MINDY2: variants seen among roughly 807,000 people sequenced by gnomAD.
MINDY2 encodes ubiquitin carboxyl-terminal hydrolase MINDY-2.
In MINDY2, 52 loss-of-function variants were observed where a neutral mutation model predicts 68.2. That is an observed-to-expected ratio of 0.76 (90% CI 0.61 to 0.96). The LOEUF (loss-of-function observed/expected upper bound fraction) is 0.96, where lower values mean the gene tolerates loss of function less well. Among genes scored for constraint, MINDY2 ranks in the 40% least tolerant of loss-of-function variants. MINDY2 has a pLI of 0.00. For missense variants in MINDY2, 881 were observed against 773.4 expected (o/e 1.14, Z -1.65); for synonymous variants, 372 against 303.0 (o/e 1.23, Z -2.36).
At chr15:58,852,785 C>G (rs1051720181) in intron 8 of MINDY2, among the ~76,000 whole-genome samples, 2 of 152,112 alleles carry the variant, frequency 1.3e-5, no homozygotes, top group Admixed American at 6.6e-5. Flanking sequence ...TGACATCTCC[C>G]TACTTTTCAC....
At chr15:58,848,551 G>T (rs1241892598) in intron 7 of MINDY2, among the ~76,000 whole-genome samples, 5 of 152,004 alleles carry the variant, frequency 3.3e-5, no homozygotes, top group Non-Finnish European at 7.4e-5. Flanking sequence ...AGACCATCCT[G>T]GCTAACACGG....
At chr15:58,797,383 C>T (rs1035059775) in intron 2 of MINDY2, among the ~76,000 whole-genome samples, 3 of 152,026 alleles carry the variant, frequency 2.0e-5, no homozygotes, top group Admixed American at 6.6e-5. Context: ...TGATGCTTAC[C>T]AGTAGTCCCT....
At chr15:58,828,410 A>G (rs541385022) in intron 5 of MINDY2, among the ~76,000 whole-genome samples, 1 of 152,182 alleles carries the variant, frequency 6.6e-6, no homozygotes, top group African/African-American at 2.4e-5. Context: ...ATTTTAAAAT[A>G]AATCAAGTTT....
rs534487704 is a variant in MINDY2, at chr15:58,773,688, CT to C, written c.840+1464del. Among the ~76,000 whole-genome samples, 117 of 145,276 alleles carry C rather than the reference CT, an allele frequency of 8.1e-4. No homozygotes were observed. In the Middle Eastern group the frequency reaches 0.014, roughly 17 times the overall value. Reference sequence around the variant, plus strand: ...TGGGATTTATGGGTCTTGAACCAATCTTTTTTTTTTTCGTTTGTTTGTTTGT... The same window carrying C: ...TGGGATTTATGGGTCTTGAACCAATCTTTTTTTTTTCGTTTGTTTGTTTGT... On this transcript the variant is annotated intron_variant, in intron 1 of 8. Transcript: ENST00000559228.
At chr15:58,799,715 C>T (rs1196496174) in intron 2 of MINDY2, among the ~76,000 whole-genome samples, 1 of 152,092 alleles carries the variant, frequency 6.6e-6, no homozygotes, top group Non-Finnish European at 1.5e-5. Flanking sequence ...AAGTGAATTT[C>T]AATCTGGAAA....
intron 6 of MINDY2, among the ~76,000 whole-genome samples, chr15:58,840,528 C>A (rs1450094074): frequency 2.0e-5 from 3 of 151,892 alleles, no homozygotes; most frequent in Non-Finnish European, 4.4e-5. Context: ...TTTCTGCTAT[C>A]ATTTATATCA....
intron 2 of MINDY2, 133 bp from the exon 3 acceptor site, chr15:58,802,180 G>C (rs1267456894): frequency 4.7e-6 from 3 of 639,570 alleles, no homozygotes; most frequent in African/African-American, 1.9e-5. Flanking sequence ...CTCTGGGTAG[G>C]ATTGGGGAGT....
intron 6 of MINDY2, among the ~76,000 whole-genome samples, chr15:58,838,777 C>T (rs1431345997): frequency 6.6e-6 from 1 of 151,538 alleles, no homozygotes; most frequent in African/African-American, 2.4e-5. Context: ...AGATTGGTTG[C>T]ACCATGTTGT....
At chr15:58,791,489 C>T (rs954650331) in intron 2 of MINDY2, among the ~76,000 whole-genome samples, 2 of 151,256 alleles carry the variant, frequency 1.3e-5, no homozygotes, top group South Asian at 4.2e-4. Context: ...TGATGGTGTG[C>T]ACCTGTAGTC....
intron 2 of MINDY2, among the ~76,000 whole-genome samples, chr15:58,795,765 GT>G (rs60618257): frequency 6.7e-6 from 1 of 150,122 alleles, no homozygotes; most frequent in African/African-American, 2.5e-5. Flanking sequence ...TAGTGTCTAA[GT>G]TTTTTTTTTC....
intron 1 of MINDY2, among the ~76,000 whole-genome samples, chr15:58,786,691 C>T (rs1162302740): frequency 6.6e-6 from 1 of 152,166 alleles, no homozygotes; most frequent in Non-Finnish European, 1.5e-5. Flanking sequence ...ACTACTATTG[C>T]AGGTCAAGAA....
intron 3 of MINDY2, among the ~76,000 whole-genome samples, chr15:58,807,501 A>G (rs1364037819): frequency 2.0e-5 from 3 of 151,742 alleles, no homozygotes; most frequent in African/African-American, 7.3e-5. Flanking sequence ...GAGAGACTAC[A>G]GGCGCCCGCC....
chr15:58,804,309 G>A (rs1163756700), intron 3 of MINDY2, among the ~76,000 whole-genome samples: 1 of 152,020 alleles, frequency 6.6e-6, no homozygotes, highest in African/African-American at 2.4e-5. Context: ...TACATGATAA[G>A]TATAAAGTGA....
intron 1 of MINDY2, among the ~76,000 whole-genome samples, chr15:58,780,829 T>C (rs1009459033): frequency 6.6e-5 from 10 of 152,154 alleles, no homozygotes; most frequent in Non-Finnish European, 1.2e-4. Flanking sequence ...GTAACTTCTG[T>C]TTCTACTGCT....
chr15:58,821,202 A>G (rs972078556), intron 4 of MINDY2, among the ~76,000 whole-genome samples: 12 of 151,684 alleles, frequency 7.9e-5, no homozygotes, highest in African/African-American at 2.2e-4. Flanking sequence ...AACATTAGTT[A>G]TCTCTACTCA....
chr15:58,801,675 T>G (rs1356284531), intron 2 of MINDY2, among the ~76,000 whole-genome samples: 1 of 152,116 alleles, frequency 6.6e-6, no homozygotes, highest in Non-Finnish European at 1.5e-5. Context: ...AGTCTCACTT[T>G]GTTGCCCAGG....
chr15:58,852,906 C>T (rs1200280569), intron 8 of MINDY2, among the ~76,000 whole-genome samples: 1 of 115,104 alleles, frequency 8.7e-6, no homozygotes, highest in Non-Finnish European at 1.8e-5. Context: ...TTATACCATG[C>T]CAGACTGCTG....
rs1471340132 is a variant in MINDY2 at position 58,858,512 on chromosome 15, A to G, written c.*3902A>G. ...TGAGAGGAAAGAGAACTAGAGGCCA[A>G]TAAATAAAATAATTGTTCATATATT... On this transcript the variant is annotated 3_prime_UTR_variant, in exon 9 of 9. Coordinates refer to ENST00000559228, the MANE Select transcript of MINDY2 (RefSeq NM_001040450.3). 1 of 152,190 alleles carries G rather than the reference A, an allele frequency of 6.6e-6. No individual in the cohort carries two copies. The highest frequency in any genetic ancestry group is 2.1e-4 in the South Asian group (1 of 4,838). The allele number at this position is 152,190 out of a possible 1,614,324, so 9.4% of individuals were successfully genotyped here.
intron 8 of MINDY2, among the ~76,000 whole-genome samples, chr15:58,854,113 A>G (rs1330414683): frequency 2.6e-5 from 4 of 152,076 alleles, no homozygotes; most frequent in East Asian, 1.9e-4. Flanking sequence ...GCGTGGTGGC[A>G]GGTGCCTGTA....
Sources: allele counts gnomAD v4.1 joint callset (sites outside exome capture counted in the v4.1 genomes callset), GRCh38; gene constraint gnomAD v4.1.1; transcripts MANE v1.5; gene names NCBI Gene and HGNC (gene_info 2026-07-23, HGNC 2026-07-21).